ACTR2: variants seen among roughly 807,000 people sequenced by gnomAD.
ACTR2 encodes the protein actin related protein 2.
ACTR2 carries 5 observed loss-of-function variants against 50.2 expected under a neutral mutation model. The observed-to-expected ratio is 0.10, with a 90% CI of 0.05 to 0.21. The LOEUF (loss-of-function observed/expected upper bound fraction) is 0.21. Ranked by LOEUF, ACTR2 falls within the 10% of genes least tolerant of loss-of-function variation. ACTR2 has a pLI of 1.00. For synonymous variants in ACTR2, 140 were observed against 162.9 expected (o/e 0.86, Z 1.07); for missense variants, 180 against 480.6 (o/e 0.37, Z 5.85).
chr2:65,260,706 T>C (rs1672251574), intron 6 of ACTR2, among the ~76,000 whole-genome samples: 1 of 151,378 alleles, frequency 6.6e-6, no homozygotes, highest in Non-Finnish European at 1.5e-5. Context: ...AAGAAATTCC[T>C]GATATTTGGG....
Position 65,270,894 on chromosome 2 carries a change from C to T in ACTR2, c.*2160C>T, listed in dbSNP as rs1432379116. 3 of 151,078 alleles carry T rather than the reference C, an allele frequency of 2.0e-5. No homozygotes were observed. The highest frequency in any genetic ancestry group is 4.4e-5 in the Non-Finnish European group (3 of 67,894). The allele number at this position is 151,078 out of a possible 1,614,324, so 9.4% of individuals were successfully genotyped here. A position where few individuals can be genotyped will look rare whatever the true frequency, so the allele number is the denominator to read the frequency against. ...TTAACTGGAGTTGTCAAGTATGAGT[C>T]CCTCAGGAAAAAAAAAAAATTCTGT... On this transcript the variant is annotated 3_prime_UTR_variant, in exon 9 of 9. Transcript: ENST00000260641.
At chr2:65,258,780 T>G (rs1573166230) in intron 6 of ACTR2, among the ~76,000 whole-genome samples, 1 of 152,014 alleles carries the variant, frequency 6.6e-6, no homozygotes, top group East Asian at 1.9e-4. Context: ...ATTAGAAAAC[T>G]TGACCCCATG....
At chr2:65,240,001 G>T (rs1458671135) in intron 2 of ACTR2, 39 bp downstream of exon 2, 1 of 1,346,164 alleles carries the variant, frequency 7.4e-7, no homozygotes, top group Non-Finnish European at 1.1e-6. Context: ...ATCAAGACAT[G>T]TGAGGTGTTC....
At chr2:65,266,258 A>G (rs150584946) in intron 8 of ACTR2, among the ~76,000 whole-genome samples, 285 of 152,300 alleles carry the variant, frequency 1.9e-3, no homozygotes, top group African/African-American at 6.7e-3. Flanking sequence ...TTGGGGAGGT[A>G]GTGTGCTCCT....
At chr2:65,229,426 A>G (rs888911536) in intron 1 of ACTR2, among the ~76,000 whole-genome samples, 4 of 152,070 alleles carry the variant, frequency 2.6e-5, no homozygotes, top group African/African-American at 9.7e-5. Flanking sequence ...CTTCATCTGA[A>G]CTGTGTTAAA....
rs1672101885 is a variant in ACTR2 at position 65,254,006 on chromosome 2, A to G, written c.585+142A>G. ...CCAATTACCTCCCTTATTTATATAA[A>G]AATTCATATAAGATTTATACACATG... is the stretch of plus-strand genomic sequence containing the variant. On this transcript the variant is annotated intron_variant, in intron 5 of 8. Transcript: ENST00000260641. 10 of 658,388 alleles carry G rather than the reference A, an allele frequency of 1.5e-5. No individual in the cohort carries two copies. The East Asian group carries it at 2.9e-4, about 19-fold the overall frequency. The allele number at this position is 658,388 out of a possible 1,614,324, so 40.8% of individuals were successfully genotyped here.
chr2:65,258,242 T>A (rs1374700285), intron 6 of ACTR2, among the ~76,000 whole-genome samples: 1 of 152,130 alleles, frequency 6.6e-6, no homozygotes, highest in East Asian at 1.9e-4. Context: ...TATTTCTTCC[T>A]TCTCTCTTTT....
chr2:65,265,445 A>G (rs1311273941), intron 8 of ACTR2, among the ~76,000 whole-genome samples: 3 of 152,246 alleles, frequency 2.0e-5, no homozygotes, highest in African/African-American at 7.2e-5. Flanking sequence ...GCACCTGTAT[A>G]TGCATGAGAA....
intron 4 of ACTR2, 51 bp downstream of exon 4, chr2:65,251,150 G>A: frequency 3.0e-6 from 4 of 1,330,822 alleles, no homozygotes; most frequent in Non-Finnish European, 4.2e-6. Context: ...CATTTATTAT[G>A]TATGTTTTAT....
At chr2:65,244,895 T>A (rs1671906762) in intron 2 of ACTR2, among the ~76,000 whole-genome samples, 1 of 142,650 alleles carries the variant, frequency 7.0e-6, no homozygotes, top group Non-Finnish European at 1.5e-5. Flanking sequence ...TAAGCAATAA[T>A]GGCACCACTG....
At chr2:65,242,000 TCTTA>T (rs1164751871) in intron 2 of ACTR2, 4 of 1,603,574 alleles carry the variant, frequency 2.5e-6, no homozygotes, top group East Asian at 2.2e-5. Flanking sequence ...CTTTTCTGAC[TCTTA>T]CTTCTACCTT....
intron 1 of ACTR2, among the ~76,000 whole-genome samples, chr2:65,230,554 G>A (rs1671616347): frequency 6.6e-6 from 1 of 151,872 alleles, no homozygotes; most frequent in Middle Eastern, 3.4e-3. Flanking sequence ...TGGGACTACA[G>A]GCTTGTGCCA....
At chr2:65,241,292 C>G (rs1322089235) in intron 2 of ACTR2, among the ~76,000 whole-genome samples, 1 of 152,084 alleles carries the variant, frequency 6.6e-6, no homozygotes, top group Non-Finnish European at 1.5e-5. Context: ...TTTTTATATA[C>G]TGGACAATAA....
chr2:65,243,372 A>G (rs1340674019), intron 2 of ACTR2, among the ~76,000 whole-genome samples: 3 of 152,172 alleles, frequency 2.0e-5, no homozygotes, highest in Non-Finnish European at 4.4e-5. Context: ...TTTCATGCCT[A>G]TAATTCCAGC....
rs553837853 is a variant in ACTR2, at chr2:65,235,890, G to C, written c.49-3962G>C. 5.3e-5 allele frequency among the ~76,000 whole-genome samples: 8 copies of C among 152,268 alleles called. No individual in the cohort carries two copies. The South Asian group carries it at 1.7e-3, about 32-fold the overall frequency. On this transcript the variant is annotated intron_variant, in intron 1 of 8. Transcript: ENST00000260641. ...TTTGTGGGCTTGTAAGAAGACATCT[G>C]AATAATATGTTTTATGTAGTTTCTA... is the stretch of plus-strand genomic sequence containing the variant.
At chr2:65,252,831 G>C (rs1359465770) in intron 4 of ACTR2, among the ~76,000 whole-genome samples, 1 of 152,124 alleles carries the variant, frequency 6.6e-6, no homozygotes, top group East Asian at 1.9e-4. Flanking sequence ...GCTGGGTGTG[G>C]TTGCACATGC....
At chr2:65,237,943 G>C (rs563094203) in intron 1 of ACTR2, among the ~76,000 whole-genome samples, 9 of 152,268 alleles carry the variant, frequency 5.9e-5, no homozygotes, top group Non-Finnish European at 1.3e-4. Context: ...GCAATGATCT[G>C]AGATGGAGCC....
rs373287419 is a variant in ACTR2 at position 65,268,088 on chromosome 2, T to C, written c.1015-476T>C. Among the ~76,000 whole-genome samples, 60 of 152,020 alleles carry C rather than the reference T, an allele frequency of 3.9e-4. 1 individual carries two copies. Among genetic ancestry groups the C allele is most frequent in the African/African-American group, 9.6e-4 (40 of 41,492 alleles). ...TCCTGACCTCGTGATCCGCCCGCCT[T>C]GGCCTCCCAAAGTGCTGGGATTACA... On this transcript the variant is annotated intron_variant, in intron 8 of 8. Transcript: ENST00000260641.
intron 2 of ACTR2, among the ~76,000 whole-genome samples, chr2:65,241,523 G>A (rs1443822100): frequency 6.6e-6 from 1 of 152,072 alleles, no homozygotes. Context: ...GCTCAATTCT[G>A]TTCACTCTGT....
Sources: allele counts gnomAD v4.1 joint callset (sites outside exome capture counted in the v4.1 genomes callset), GRCh38; gene constraint gnomAD v4.1.1; transcripts MANE v1.5; gene names NCBI Gene and HGNC (gene_info 2026-07-23, HGNC 2026-07-21).